The following SPECC1 variants were observed in gnomAD, a reference collection of about 807,000 sequenced individuals.
SPECC1 encodes the protein cytospin-B.
In SPECC1, 62 loss-of-function variants were observed where a neutral mutation model predicts 104.1. The ratio of observed to expected loss-of-function variants is 0.60; its 90% CI spans 0.49 to 0.74. The LOEUF (loss-of-function observed/expected upper bound fraction) is 0.74. SPECC1 is among the 30% of genes least tolerant of loss of function. SPECC1 has a pLI of 0.00. For missense variants in SPECC1, 1,306 were observed against 1,310.5 expected (o/e 1.00, Z 0.05); for synonymous variants, 513 against 501.6 (o/e 1.02, Z -0.30).
intron 1 of SPECC1, among the ~76,000 whole-genome samples, chr17:20,061,388 A>C (rs1210907512): frequency 6.6e-6 from 1 of 152,166 alleles, no homozygotes; most frequent in African/African-American, 2.4e-5. Context: ...TTTCTTTTGA[A>C]ATAGGAATTC....
chr17:20,162,308 G>C (rs925490683), intron 3 of SPECC1, among the ~76,000 whole-genome samples: 1 of 151,476 alleles, frequency 6.6e-6, no homozygotes, highest in African/African-American at 2.4e-5. Flanking sequence ...ACTGCGCCCG[G>C]CTAATTTTTT....
chr17:20,100,090 T>C (rs1006253710), intron 2 of SPECC1, among the ~76,000 whole-genome samples: 1 of 152,220 alleles, frequency 6.6e-6, no homozygotes, highest in African/African-American at 2.4e-5. Context: ...ATTGTTGTAT[T>C]GTTAATTTTT....
At chr17:20,111,842 T>C in intron 3 of SPECC1, 2 of 839,186 alleles carry the variant, frequency 2.4e-6, no homozygotes, top group Admixed American at 3.4e-5. Flanking sequence ...GGTGGCCCTG[T>C]TCCTGAACGG....
intron 4 of SPECC1, 49 bp downstream of exon 4, chr17:20,205,961 T>C: frequency 1.3e-6 from 2 of 1,553,272 alleles, no homozygotes; most frequent in Non-Finnish European, 1.7e-6. Flanking sequence ...TTGTTCACAT[T>C]TCTGCCCTTA....
intron 3 of SPECC1, 50 bp from the exon 4 acceptor site, chr17:20,204,283 A>G (rs575389072): frequency 4.5e-6 from 7 of 1,561,186 alleles, no homozygotes; most frequent in African/African-American, 1.4e-5. Context: ...GGTTTTGTTT[A>G]TAAGAATGCT....
In SPECC1 at chr17:20,096,711, C is replaced by G. The variant is rs1363541526; in HGVS notation, c.60C>G (p.Asp20Glu). ...TCAGAGCAGGGGGCCACGGCCCAGA[C>G]CGGGTGCGGCCTCTGCCTGCAGCCT... ...PAIRAGGHGPDRVRPLPAASS... is the reference protein window; with the variant it reads ...PAIRAGGHGPERVRPLPAASS... Residue 20 changes from aspartate to glutamate, a missense_variant, in exon 2 of 15, where the codon GAC (aspartate) becomes GAG (glutamate). This residue lies in a region of SPECC1 where 1,177 missense variants were observed against 1,139.9 expected (regional missense o/e 1.03). Transcript: ENST00000395527. 1 of 1,614,216 alleles carries G rather than the reference C, an allele frequency of 6.2e-7. No individual in the cohort carries two copies. The highest frequency in any genetic ancestry group is 8.5e-7 in the Non-Finnish European group (1 of 1,180,010).
At chr17:20,039,069 A>G (rs1402803763) in intron 1 of SPECC1, among the ~76,000 whole-genome samples, 2 of 152,214 alleles carry the variant, frequency 1.3e-5, no homozygotes, top group East Asian at 3.9e-4. Flanking sequence ...TATCCCAAAA[A>G]GAAATCCTAC....
Position 20,299,785 on chromosome 17 carries a change from T to C in SPECC1, c.3057+2708T>C, listed in dbSNP as rs80158377. Among the ~76,000 whole-genome samples, 1,061 of 152,240 alleles carry C rather than the reference T, an allele frequency of 7.0e-3. 13 individuals carry two copies. The highest frequency in any genetic ancestry group is 0.023 in the African/African-American group (954 of 41,520). Reference sequence around the variant, plus strand: ...TGGGGGAAAGATTGTATTTAAATCATGTGAAGTCTGAGGGGCTGTGAAATA... The same window carrying C: ...TGGGGGAAAGATTGTATTTAAATCACGTGAAGTCTGAGGGGCTGTGAAATA... On this transcript the variant is annotated intron_variant, in intron 13 of 14. Transcript: ENST00000395527.
intron 3 of SPECC1, among the ~76,000 whole-genome samples, chr17:20,167,081 A>G (rs190460705): frequency 2.7e-5 from 4 of 150,742 alleles, no homozygotes; most frequent in Non-Finnish European, 4.4e-5. Flanking sequence ...AGACTCATCA[A>G]GAAATAGGAT....
At chr17:20,139,482 A>G (rs2030479903) in intron 3 of SPECC1, among the ~76,000 whole-genome samples, 1 of 152,162 alleles carries the variant, frequency 6.6e-6, no homozygotes. Flanking sequence ...TTCATTCTCA[A>G]CATGTCTTAA....
chr17:20,228,100 T>A (rs1476429281), intron 5 of SPECC1, among the ~76,000 whole-genome samples: 3 of 152,156 alleles, frequency 2.0e-5, no homozygotes, highest in Non-Finnish European at 2.9e-5. Context: ...GATTAAGAGA[T>A]CAATGATCAT....
At chr17:20,279,564 C>T (rs775087893) in intron 12 of SPECC1, among the ~76,000 whole-genome samples, 8 of 152,076 alleles carry the variant, frequency 5.3e-5, no homozygotes, top group East Asian at 1.9e-4. Context: ...TCAGGTGATC[C>T]GCCTGCCTTG....
intron 3 of SPECC1, chr17:20,112,261 C>A: frequency 1.3e-6 from 1 of 762,284 alleles, no homozygotes; most frequent in South Asian, 1.3e-5. Context: ...TACTTTGAAC[C>A]CATTTTGAAC....
At chr17:20,164,347 G>T (rs1381482702) in intron 3 of SPECC1, among the ~76,000 whole-genome samples, 1 of 150,762 alleles carries the variant, frequency 6.6e-6, no homozygotes, top group Non-Finnish European at 1.5e-5. Context: ...TTTTTTTTTT[G>T]GTGCAGACGG....
At chr17:20,089,740 G>A (rs72830128) in intron 1 of SPECC1, among the ~76,000 whole-genome samples, 8,307 of 152,264 alleles carry the variant, frequency 0.055, 308 homozygotes, top group Non-Finnish European at 0.08. Context: ...GAGCCCAGGA[G>A]GGCCTTAATG....
At chr17:20,051,100 CTTTCTTTCTTTCTTTCTTTCTTTCT>C in intron 1 of SPECC1, among the ~76,000 whole-genome samples, 1 of 120,748 alleles carries the variant, frequency 8.3e-6, no homozygotes. Flanking sequence ...TTCTTTCTTT[CTTTCTTTCTTTCTTTCTTTCTTTCT>C]TTCTTTCTTT....
chr17:20,131,642 T>C (rs896905691), intron 3 of SPECC1, among the ~76,000 whole-genome samples: 46 of 148,170 alleles, frequency 3.1e-4, no homozygotes, highest in East Asian at 2.0e-3. Flanking sequence ...TCTTCTTCTT[T>C]TTTTTTTTTT....
At chr17:20,304,860 C>T (rs1223506461) in intron 13 of SPECC1, among the ~76,000 whole-genome samples, 2 of 151,792 alleles carry the variant, frequency 1.3e-5, no homozygotes, top group Non-Finnish European at 2.9e-5. Context: ...AATAGAATGG[C>T]GGCAGCCACA....
At chr17:20,191,170 G>C (rs2035643720) in intron 3 of SPECC1, among the ~76,000 whole-genome samples, 1 of 152,182 alleles carries the variant, frequency 6.6e-6, no homozygotes, top group Admixed American at 6.5e-5. Flanking sequence ...GCAGTTATGA[G>C]TAAAGCTGCT....
Sources: allele counts gnomAD v4.1 joint callset (sites outside exome capture counted in the v4.1 genomes callset), GRCh38; gene constraint gnomAD v4.1.1; regional missense constraint gnomAD v4.1.1; transcripts MANE v1.5; gene names NCBI Gene and HGNC (gene_info 2026-07-23, HGNC 2026-07-21).